TBC1D22A: variants seen among roughly 807,000 people sequenced by gnomAD.
TBC1D22A encodes the protein TBC1 domain family member 22A.
Under a neutral mutation model 60.2 loss-of-function variants are expected in TBC1D22A, and 38 were observed. The observed-to-expected ratio is 0.63, with a 90% CI of 0.49 to 0.83. TBC1D22A has a LOEUF of 0.83. TBC1D22A is among the 40% of genes least tolerant of loss of function. The pLI is 0.00. For synonymous variants in TBC1D22A, 302 were observed against 281.7 expected, an observed-to-expected ratio of 1.07 and a Z score of -0.72; for missense variants, 628 against 701.0, an observed-to-expected ratio of 0.90 and a Z score of 1.18.
At chr22:47,074,217 G>A (rs896770981) in intron 11 of TBC1D22A, among the ~76,000 whole-genome samples, 4 of 152,214 alleles carry the variant, frequency 2.6e-5, no homozygotes, top group South Asian at 2.1e-4. Context: ...GTCCTAATCC[G>A]GAGCGCCTCC....
chr22:46,801,548 C>G (rs1371828953), intron 4 of TBC1D22A, among the ~76,000 whole-genome samples: 1 of 152,246 alleles, frequency 6.6e-6, no homozygotes, highest in Non-Finnish European at 1.5e-5. Context: ...CAAAGACTGC[C>G]TGCTTTGAAG....
At chr22:47,132,131 G>A (rs886510055) in intron 12 of TBC1D22A, among the ~76,000 whole-genome samples, 3 of 152,140 alleles carry the variant, frequency 2.0e-5, no homozygotes, top group Admixed American at 1.3e-4. Context: ...CAGAGCCCCG[G>A]ACCCCAGCTT....
intron 8 of TBC1D22A, among the ~76,000 whole-genome samples, chr22:46,923,829 CT>C (rs1197724068): frequency 6.6e-6 from 1 of 152,120 alleles, no homozygotes; most frequent in Non-Finnish European, 1.5e-5. Flanking sequence ...ATTAAGAAAT[CT>C]TTATAAAAAT....
chr22:46,960,595 C>T (rs1233700374), intron 8 of TBC1D22A, among the ~76,000 whole-genome samples: 2 of 152,168 alleles, frequency 1.3e-5, no homozygotes, highest in Non-Finnish European at 2.9e-5. Flanking sequence ...GCAGTGTCCC[C>T]AACCAGGCAG....
At position 47,010,051 on chromosome 22, in the gene TBC1D22A, T is replaced by A. The variant is rs144301698; in HGVS notation, c.1201+12342T>A. Among the ~76,000 whole-genome samples the A allele has an allele frequency of 9.1e-4, 139 of 152,370 alleles. 2 individuals carry two copies. In the East Asian group the frequency reaches 0.025, roughly 27 times the overall value. On this transcript the variant is annotated intron_variant, in intron 10 of 12. Transcript: ENST00000337137. ...CGGTACTGGAGAATGGTTCCACCTGTGTGGGAAACGGCTTTATGTACCTGA... is the reference window on the plus strand; with the variant it reads ...CGGTACTGGAGAATGGTTCCACCTGAGTGGGAAACGGCTTTATGTACCTGA...
At chr22:46,815,548 A>G (rs2147063912) in intron 4 of TBC1D22A, among the ~76,000 whole-genome samples, 1 of 152,342 alleles carries the variant, frequency 6.6e-6, no homozygotes, top group African/African-American at 2.4e-5. Flanking sequence ...CAGTTCTAAC[A>G]AGACGGTGCC....
intron 4 of TBC1D22A, among the ~76,000 whole-genome samples, chr22:46,807,965 TCTAAAA>T (rs2085221211): frequency 6.6e-6 from 1 of 151,772 alleles, no homozygotes; most frequent in African/African-American, 2.4e-5. Context: ...ACACCGTGTC[TCTAAAA>T]GAAAAAGCAA....
At chr22:46,774,021 A>G (rs1474330950) in intron 1 of TBC1D22A, 3 of 985,360 alleles carry the variant, frequency 3.0e-6, no homozygotes, top group Admixed American at 6.1e-5. Context: ...GAGAAAGCTG[A>G]CTCACTCACC....
At chr22:46,909,973 A>C (rs2069788871) in intron 7 of TBC1D22A, among the ~76,000 whole-genome samples, 1 of 152,190 alleles carries the variant, frequency 6.6e-6, no homozygotes, top group African/African-American at 2.4e-5. Flanking sequence ...TCTGGCCGCT[A>C]CTTGCAGCTC....
At chr22:47,097,650 A>AT (rs1804767202) in intron 11 of TBC1D22A, among the ~76,000 whole-genome samples, 1 of 152,178 alleles carries the variant, frequency 6.6e-6, no homozygotes, top group Non-Finnish European at 1.5e-5. Flanking sequence ...TGCATTGAAC[A>AT]TATCAATTAA....
chr22:46,980,829 TGA>T (rs1569300608), intron 9 of TBC1D22A, among the ~76,000 whole-genome samples: 1 of 152,132 alleles, frequency 6.6e-6, no homozygotes, highest in African/African-American at 2.4e-5. Flanking sequence ...TATGGAGACA[TGA>T]GAGTGAAGCC....
intron 11 of TBC1D22A, among the ~76,000 whole-genome samples, chr22:47,077,744 A>C (rs755348005): frequency 1.3e-5 from 2 of 152,230 alleles, no homozygotes; most frequent in Admixed American, 6.5e-5. Context: ...ATCAGTGAGC[A>C]GGGCCATTGG....
intron 4 of TBC1D22A, among the ~76,000 whole-genome samples, chr22:46,824,347 G>C (rs938187333): frequency 6.6e-6 from 1 of 152,154 alleles, no homozygotes; most frequent in African/African-American, 2.4e-5. Context: ...GATGAGAGGA[G>C]ATAGCCACCT....
intron 8 of TBC1D22A, among the ~76,000 whole-genome samples, chr22:46,946,794 C>T (rs1220188246): frequency 6.6e-6 from 1 of 152,180 alleles, no homozygotes; most frequent in Non-Finnish European, 1.5e-5. Flanking sequence ...GTATTCAGAC[C>T]AGCGTGCTTG....
intron 8 of TBC1D22A, among the ~76,000 whole-genome samples, chr22:46,941,100 C>A: frequency 8.7e-6 from 1 of 115,372 alleles, no homozygotes; most frequent in African/African-American, 3.4e-5. Context: ...GGGACTGGGG[C>A]ACTAGCATAC....
At chr22:47,027,901 TC>T (rs369757578) in intron 10 of TBC1D22A, among the ~76,000 whole-genome samples, 1 of 152,002 alleles carries the variant, frequency 6.6e-6, no homozygotes, top group Non-Finnish European at 1.5e-5. Context: ...AGCCCACTCC[TC>T]CCCCCTGGGC....
intron 8 of TBC1D22A, among the ~76,000 whole-genome samples, chr22:46,968,589 G>A (rs1349965473): frequency 6.7e-6 from 1 of 149,786 alleles, no homozygotes; most frequent in Non-Finnish European, 1.5e-5. Flanking sequence ...CGGCGGTCCT[G>A]AGTGGGCGGG....
At chr22:46,832,572 A>G (rs1251471748) in intron 4 of TBC1D22A, among the ~76,000 whole-genome samples, 2 of 152,132 alleles carry the variant, frequency 1.3e-5, no homozygotes, top group Non-Finnish European at 2.9e-5. Context: ...CTTGAAACAG[A>G]AAGGCAGAGG....
intron 8 of TBC1D22A, among the ~76,000 whole-genome samples, chr22:46,958,145 G>A (rs1391230966): frequency 6.6e-6 from 1 of 152,160 alleles, no homozygotes. Flanking sequence ...TGAGGGCTTG[G>A]CCCAAGGATT....
Sources: allele counts gnomAD v4.1 joint callset (sites outside exome capture counted in the v4.1 genomes callset), GRCh38; gene constraint gnomAD v4.1.1; transcripts MANE v1.5; gene names NCBI Gene and HGNC (gene_info 2026-07-23, HGNC 2026-07-21).